The following CNTNAP4 variants were observed in gnomAD, a reference collection of about 807,000 sequenced individuals.
The protein encoded by CNTNAP4 is contactin-associated protein-like 4.
Under a neutral mutation model 148.4 loss-of-function variants are expected in CNTNAP4, and 98 were observed. The observed-to-expected ratio is 0.66, with a 90% CI of 0.56 to 0.78. The LOEUF is 0.78. Ranked by LOEUF, CNTNAP4 falls within the 30% of genes least tolerant of loss-of-function variation. CNTNAP4 has a pLI of 0.00. For synonymous variants in CNTNAP4, 730 were observed against 565.1 expected (o/e 1.29, Z -4.14); for missense variants, 1,935 against 1,565.6 (o/e 1.24, Z -3.98).
At chr16:76,545,494 G>C (rs528111195) in intron 21 of CNTNAP4, among the ~76,000 whole-genome samples, 1 of 152,272 alleles carries the variant, frequency 6.6e-6, no homozygotes, top group South Asian at 2.1e-4. Context: ...TCCCCGTGGA[G>C]TGGGCAAGTG....
At chr16:76,327,011 A>G (rs1963059084) in intron 2 of CNTNAP4, among the ~76,000 whole-genome samples, 1 of 152,170 alleles carries the variant, frequency 6.6e-6, no homozygotes, top group Admixed American at 6.5e-5. Flanking sequence ...CATATGAGAG[A>G]TGGTTAAAAT....
chr16:76,334,145 A>G (rs1435771120), intron 2 of CNTNAP4, among the ~76,000 whole-genome samples: 2 of 151,244 alleles, frequency 1.3e-5, no homozygotes, highest in African/African-American at 4.9e-5. Context: ...ACAAACCTGC[A>G]CGTTGTGCAC....
intron 2 of CNTNAP4, among the ~76,000 whole-genome samples, chr16:76,321,443 G>T (rs1018764178): frequency 2.0e-5 from 3 of 152,116 alleles, no homozygotes; most frequent in Non-Finnish European, 4.4e-5. Context: ...AAAAAAGTAG[G>T]TGCTTTTTTA....
intron 15 of CNTNAP4, among the ~76,000 whole-genome samples, chr16:76,516,336 C>T (rs1478996829): frequency 1.3e-5 from 2 of 151,552 alleles, no homozygotes; most frequent in African/African-American, 4.9e-5. Flanking sequence ...TTCACCCAGT[C>T]TATCATTGAT....
chr16:76,483,947 T>A (rs1446413455), intron 12 of CNTNAP4, among the ~76,000 whole-genome samples: 2 of 152,184 alleles, frequency 1.3e-5, no homozygotes, highest in African/African-American at 4.8e-5. Context: ...GGCAATAATT[T>A]AGTAATTTAT....
At chr16:76,385,857 C>T (rs780647683) in intron 3 of CNTNAP4, among the ~76,000 whole-genome samples, 2 of 152,068 alleles carry the variant, frequency 1.3e-5, no homozygotes, top group African/African-American at 2.4e-5. Flanking sequence ...ATATTTTCTC[C>T]GTAAGGTGCA....
At chr16:76,547,092 A>G (rs1457277284) in intron 21 of CNTNAP4, among the ~76,000 whole-genome samples, 1 of 152,240 alleles carries the variant, frequency 6.6e-6, no homozygotes, top group Non-Finnish European at 1.5e-5. Context: ...TTCACAATGT[A>G]CATAAATTCC....
At chr16:76,520,289 C>A (rs1475942084) in intron 15 of CNTNAP4, among the ~76,000 whole-genome samples, 21 of 151,944 alleles carry the variant, frequency 1.4e-4, no homozygotes. Flanking sequence ...ATAGTTTTTG[C>A]TATATATGGT....
At chr16:76,343,328 T>A (rs1003838453) in intron 2 of CNTNAP4, among the ~76,000 whole-genome samples, 1 of 152,158 alleles carries the variant, frequency 6.6e-6, no homozygotes, top group Admixed American at 6.5e-5. Context: ...TTTAGAACTT[T>A]CCATTATACA....
intron 2 of CNTNAP4, 151 bp from the exon 3 acceptor site, chr16:76,355,167 C>G: frequency 4.3e-6 from 2 of 469,020 alleles, no homozygotes; most frequent in Non-Finnish European, 7.4e-6. Context: ...AAATTCTTAC[C>G]TCTATATTTT....
At chr16:76,467,263 C>T in intron 9 of CNTNAP4, 89 bp from the exon 10 acceptor site, 2 of 1,126,408 alleles carry the variant, frequency 1.8e-6, no homozygotes, top group South Asian at 1.5e-5. Context: ...AATCATATGC[C>T]TCTTTCTTTT....
chr16:76,338,592 T>A (rs1017685304), intron 2 of CNTNAP4, among the ~76,000 whole-genome samples: 1 of 152,178 alleles, frequency 6.6e-6, no homozygotes, highest in African/African-American at 2.4e-5. Flanking sequence ...ACTTCTCAAG[T>A]GCTCATTCCA....
intron 11 of CNTNAP4, among the ~76,000 whole-genome samples, chr16:76,476,749 C>A (rs1244400498): frequency 6.6e-6 from 1 of 151,988 alleles, no homozygotes; most frequent in African/African-American, 2.4e-5. Context: ...CTCATGAGGG[C>A]TTCACTCTCA....
chr16:76,398,221 A>G (rs1289619645), intron 3 of CNTNAP4, among the ~76,000 whole-genome samples: 2 of 151,246 alleles, frequency 1.3e-5, no homozygotes, highest in Non-Finnish European at 3.0e-5. Flanking sequence ...CTGGTAGCTG[A>G]TTAGATGGTG....
At chr16:76,480,398 G>A (rs1391270092) in intron 12 of CNTNAP4, among the ~76,000 whole-genome samples, 4 of 152,066 alleles carry the variant, frequency 2.6e-5, no homozygotes, top group Non-Finnish European at 5.9e-5. Context: ...AGATGTACAA[G>A]GTTTCTACAC....
intron 3 of CNTNAP4, among the ~76,000 whole-genome samples, chr16:76,418,148 TGTCATTAATATTGAA>T (rs544594836): frequency 2.2e-3 from 341 of 151,792 alleles, no homozygotes; most frequent in African/African-American, 7.9e-3. Context: ...GTTCAGTGTC[TGTCATTAATATTGAA>T]AAGTTATTGG....
At position 76,475,980 on chromosome 16, in the gene CNTNAP4, A is replaced by T; in HGVS notation, c.1697A>T (p.Gln566Leu). Residue 566 changes from glutamine to leucine, a missense_variant, in exon 11 of 24, where the codon CAG (glutamine) becomes CTG (leucine). Coordinates refer to ENST00000611870, the MANE Select transcript of CNTNAP4 (RefSeq NM_033401.5). ...TGTGAACACGGTGGGGAGTGTTCCC[A>T]GTCCTGGAGCACCTTTCATTGTAAC... ...NYCEHGGECS[Q>L]SWSTFHCNCT... The T allele has an allele frequency of 6.2e-7, 1 of 1,613,932 alleles. No homozygotes were observed. Among genetic ancestry groups the T allele is most frequent in the Middle Eastern group, 1.6e-4 (1 of 6,062 alleles).
chr16:76,362,259 C>G (rs1206855039), intron 3 of CNTNAP4, among the ~76,000 whole-genome samples: 1 of 151,924 alleles, frequency 6.6e-6, no homozygotes, highest in South Asian at 2.1e-4. Flanking sequence ...AAAGAAGAAC[C>G]AAATAAATGA....
chr16:76,463,232 C>T (rs1156484039), intron 9 of CNTNAP4, among the ~76,000 whole-genome samples: 1 of 152,010 alleles, frequency 6.6e-6, no homozygotes, highest in Non-Finnish European at 1.5e-5. Flanking sequence ...ACAACTTAAC[C>T]CAGAGCTTTT....
Sources: gnomAD v4.1 joint callset for allele counts (sites outside exome capture counted in the v4.1 genomes callset) on GRCh38, gnomAD v4.1.1 for gene constraint, MANE v1.5 for transcripts, NCBI Gene and HGNC (gene_info 2026-07-23, HGNC 2026-07-21) for gene names.